The following WIPF2 variants were observed in gnomAD, a reference collection of about 807,000 sequenced individuals.
WIPF2 encodes WAS/WASL interacting protein family member 2, also known as WAS/WASL-interacting protein family member 2.
A neutral mutation model predicts 38.8 loss-of-function variants in WIPF2; 23 were observed. That is an observed-to-expected ratio of 0.59 (90% CI 0.43 to 0.84). The LOEUF is 0.84. Ranked by LOEUF, WIPF2 falls within the 40% of genes least tolerant of loss-of-function variation. WIPF2 has a pLI of 0.00. For missense variants in WIPF2, 574 were observed against 580.5 expected, an observed-to-expected ratio of 0.99 and a Z score of 0.11; for synonymous variants, 210 against 223.2, an observed-to-expected ratio of 0.94 and a Z score of 0.53.
intron 1 of WIPF2, among the ~76,000 whole-genome samples, chr17:40,227,084 C>G (rs947908243): frequency 6.6e-6 from 1 of 151,808 alleles, no homozygotes; most frequent in African/African-American, 2.4e-5. Context: ...CTGTGTCAGC[C>G]AGGCTGGAGT....
chr17:40,256,179 A>T (rs374908159), intron 1 of WIPF2, among the ~76,000 whole-genome samples: 2 of 152,016 alleles, frequency 1.3e-5, no homozygotes, highest in African/African-American at 4.8e-5. Flanking sequence ...AAGTAAGCAT[A>T]TGAAAAGATG....
chr17:40,229,499 C>G (rs1171732123), intron 1 of WIPF2, among the ~76,000 whole-genome samples: 1 of 151,948 alleles, frequency 6.6e-6, no homozygotes, highest in Non-Finnish European at 1.5e-5. Flanking sequence ...CTTGGCTCAC[C>G]GCAACCTCTG....
At chr17:40,266,221 G>T (rs1304449012) in intron 5 of WIPF2, among the ~76,000 whole-genome samples, 1 of 139,086 alleles carries the variant, frequency 7.2e-6, no homozygotes, top group African/African-American at 2.7e-5. Flanking sequence ...CTGGGCGACA[G>T]AGTGACAGTC....
intron 1 of WIPF2, among the ~76,000 whole-genome samples, chr17:40,251,159 C>T (rs2031551271): frequency 6.6e-6 from 1 of 151,914 alleles, no homozygotes; most frequent in African/African-American, 2.4e-5. Context: ...TGTGATCCGC[C>T]CTCCTCGGCC....
intron 6 of WIPF2, among the ~76,000 whole-genome samples, chr17:40,274,557 GAAAAAAAAAAAAAAA>G (rs571085371): frequency 2.0e-4 from 5 of 24,782 alleles, no homozygotes; most frequent in Admixed American, 5.7e-4. Context: ...TGGAATTCTT[GAAAAAAAAAAAAAAA>G]AAAAAAAAAA....
intron 1 of WIPF2, among the ~76,000 whole-genome samples, chr17:40,243,456 T>C (rs1238458784): frequency 6.6e-6 from 1 of 152,180 alleles, no homozygotes; most frequent in African/African-American, 2.4e-5. Context: ...TCCTTCATTT[T>C]CTCTTTCAGA....
intron 2 of WIPF2, among the ~76,000 whole-genome samples, chr17:40,257,263 C>CGCCGGG (rs2031757110): frequency 6.6e-6 from 1 of 152,066 alleles, no homozygotes; most frequent in Non-Finnish European, 1.5e-5. Context: ...AGGTGTGAGC[C>CGCCGGG]ACCGCGCCCG....
chr17:40,258,245 A>G (rs1158914116), intron 2 of WIPF2, among the ~76,000 whole-genome samples: 3 of 151,896 alleles, frequency 2.0e-5, no homozygotes, highest in Admixed American at 6.6e-5. Flanking sequence ...TATAAATACA[A>G]AAATTAGCTG....
In WIPF2 at chr17:40,228,159, GCGCCCGCCACTA is replaced by G. The variant is rs1292482978; in HGVS notation, c.-70+8674_-70+8685del. On this transcript the variant is annotated intron_variant, in intron 1 of 7. Transcript: ENST00000323571. ...GCCTCCCAAGTAGCTGGGACTACAG[GCGCCCGCCACTA>G]CGCCCGGCTAATTTTTTGTATTTTT... Among the ~76,000 whole-genome samples, 4 of 148,988 alleles carry G rather than the reference GCGCCCGCCACTA, an allele frequency of 2.7e-5. No homozygotes were observed. The East Asian group carries it at 8.0e-4, about 30-fold the overall frequency.
chr17:40,261,210 C>G (rs571390676), intron 3 of WIPF2, among the ~76,000 whole-genome samples: 1 of 152,164 alleles, frequency 6.6e-6, no homozygotes, highest in South Asian at 2.1e-4. Flanking sequence ...CTGGAGAGTG[C>G]TCACGTATTG....
Position 40,252,295 on chromosome 17 carries a change from A to G in WIPF2, c.-69-4096A>G, listed in dbSNP as rs149615200. Among the ~76,000 whole-genome samples, 4 of 152,272 alleles carry G rather than the reference A, an allele frequency of 2.6e-5. No individual in the cohort carries two copies. In the East Asian group the frequency reaches 7.7e-4, roughly 29 times the overall value. On this transcript the variant is annotated intron_variant, in intron 1 of 7. Coordinates refer to ENST00000323571, the MANE Select transcript of WIPF2 (RefSeq NM_133264.5). ...ATCACCTATGGACATGGAAAGAGTA[A>G]AGGACTTGTCTGAGTCTTTTTTGGG...
chr17:40,220,378 T>C (rs939071083), intron 1 of WIPF2: 1 of 151,504 alleles, frequency 6.6e-6, no homozygotes, highest in African/African-American at 2.4e-5. Flanking sequence ...GGAACTGATA[T>C]GTGATGGAAT....
In WIPF2 at chr17:40,281,314, C is replaced by T. The variant is rs1002290883; in HGVS notation, c.*3089C>T. 1 of 152,170 alleles carries T rather than the reference C, an allele frequency of 6.6e-6. No homozygotes were observed. Among genetic ancestry groups the T allele is most frequent in the African/African-American group, 2.4e-5 (1 of 41,416 alleles). 9.4% of individuals were successfully genotyped at this position (152,170 alleles called of 1,614,324 possible). On this transcript the variant is annotated 3_prime_UTR_variant, in exon 8 of 8. Transcript: ENST00000323571. ...AAAACGTTATAGTTGTTTCTTACTG[C>T]CCTGTCTGGGAAGCAGGGCAAACCT...
chr17:40,240,902 G>A (rs1024278705), intron 1 of WIPF2, among the ~76,000 whole-genome samples: 6 of 144,100 alleles, frequency 4.2e-5, no homozygotes, highest in Non-Finnish European at 8.9e-5. Flanking sequence ...CCGAGATAGC[G>A]CCACTGCACT....
At chr17:40,237,297 G>T (rs1290838036) in intron 1 of WIPF2, among the ~76,000 whole-genome samples, 2 of 144,862 alleles carry the variant, frequency 1.4e-5, no homozygotes, top group African/African-American at 5.1e-5. Flanking sequence ...CTGGCATGCA[G>T]TGGTGCTATC....
At chr17:40,231,583 C>G (rs2030741560) in intron 1 of WIPF2, among the ~76,000 whole-genome samples, 1 of 151,950 alleles carries the variant, frequency 6.6e-6, no homozygotes, top group African/African-American at 2.4e-5. Flanking sequence ...GCCACCACGC[C>G]CAGCTAATTT....
At chr17:40,277,791 T>TCTC (rs1486948883) in intron 7 of WIPF2, among the ~76,000 whole-genome samples, 6 of 144,620 alleles carry the variant, frequency 4.1e-5, no homozygotes, top group Non-Finnish European at 9.0e-5. Flanking sequence ...AGTGGTGCCA[T>TCTC]CTCGGCTCAC....
intron 1 of WIPF2, among the ~76,000 whole-genome samples, chr17:40,249,378 T>C (rs2031479481): frequency 6.6e-6 from 1 of 152,068 alleles, no homozygotes; most frequent in Non-Finnish European, 1.5e-5. Flanking sequence ...AATGTAGGAA[T>C]ATTTGGAGTG....
rs766509409 is a variant in WIPF2, at chr17:40,243,490, A to G, written c.-69-12901A>G. Among the ~76,000 whole-genome samples the G allele has an allele frequency of 3.6e-4, 55 of 151,722 alleles. 1 individual carries two copies. The highest frequency in any genetic ancestry group is 1.5e-4 in the Non-Finnish European group (10 of 67,910). On this transcript the variant is annotated intron_variant, in intron 1 of 7. Coordinates refer to ENST00000323571, the MANE Select transcript of WIPF2 (RefSeq NM_133264.5). ...GAGAGGAGTAAAACATCCAGGTTTC[A>G]TTTGTTGTAGAAGTCCTAGGATTTT...
Sources: allele counts gnomAD v4.1 joint callset (sites outside exome capture counted in the v4.1 genomes callset), GRCh38; gene constraint gnomAD v4.1.1; transcripts MANE v1.5; gene names NCBI Gene and HGNC (gene_info 2026-07-23, HGNC 2026-07-21).